The following TTC28 variants were observed in gnomAD, a reference collection of about 807,000 sequenced individuals.
TTC28 encodes the protein tetratricopeptide repeat protein 28.
Under a neutral mutation model 198.0 loss-of-function variants are expected in TTC28, and 61 were observed. The ratio of observed to expected loss-of-function variants is 0.31; its 90% CI spans 0.25 to 0.38. The LOEUF (loss-of-function observed/expected upper bound fraction) is 0.38. Among genes scored for constraint, TTC28 ranks in the 10% least tolerant of loss-of-function variants. TTC28 has a pLI of 1.00. For missense variants in TTC28, 2,678 were observed against 3,164.0 expected, an observed-to-expected ratio of 0.85 and a Z score of 3.69; for synonymous variants, 1,171 against 1,297.8, an observed-to-expected ratio of 0.90 and a Z score of 2.10.
At chr22:28,589,557 T>TG (rs1380301068) in intron 2 of TTC28, among the ~76,000 whole-genome samples, 1 of 152,208 alleles carries the variant, frequency 6.6e-6, no homozygotes, top group Admixed American at 6.5e-5. Context: ...ACATTGTGGA[T>TG]GGGAGCTCTC....
chr22:28,362,180 G>C (rs1473924926), intron 2 of TTC28, among the ~76,000 whole-genome samples: 4 of 152,128 alleles, frequency 2.6e-5, no homozygotes, highest in Admixed American at 2.0e-4. Context: ...TGTTATGCGA[G>C]GGACCCAGTG....
At chr22:28,239,678 GT>G (rs1569215839) in intron 5 of TTC28, among the ~76,000 whole-genome samples, 2 of 152,076 alleles carry the variant, frequency 1.3e-5, no homozygotes, top group East Asian at 1.9e-4. Context: ...GGTTTTTTGG[GT>G]TTTTTTCCCC....
At position 28,154,101 on chromosome 22, in the gene TTC28, A is replaced by G. The variant is rs112410558; in HGVS notation, c.1441+8991T>C. On this transcript the variant is annotated intron_variant, in intron 6 of 22. Coordinates refer to ENST00000397906, the MANE Select transcript of TTC28 (RefSeq NM_001145418.2). ...GCAGTTCATCCTAAAGTGAGATGAG[A>G]GATAATTCTGCCTGGTTTCCCAGTA... Among the ~76,000 whole-genome samples, 220 of 152,270 alleles carry G rather than the reference A, an allele frequency of 1.4e-3. 1 individual carries two copies. Among genetic ancestry groups the G allele is most frequent in the African/African-American group, 4.9e-3 (205 of 41,558 alleles).
At chr22:28,180,405 T>C (rs1014623970) in intron 5 of TTC28, among the ~76,000 whole-genome samples, 3 of 152,006 alleles carry the variant, frequency 2.0e-5, no homozygotes, top group African/African-American at 7.3e-5. Flanking sequence ...GATGGAAAAA[T>C]TTTTTCAGAT....
chr22:28,374,712 C>T (rs1339788108), intron 2 of TTC28, among the ~76,000 whole-genome samples: 2 of 152,134 alleles, frequency 1.3e-5, no homozygotes, highest in South Asian at 2.1e-4. Flanking sequence ...GATGGAGTCT[C>T]GCTCTGTCAC....
At chr22:28,247,781 T>C (rs572531741) in intron 5 of TTC28, among the ~76,000 whole-genome samples, 2 of 152,214 alleles carry the variant, frequency 1.3e-5, no homozygotes, top group South Asian at 4.2e-4. Flanking sequence ...GTATATGATA[T>C]ATGTGGAGAA....
intron 2 of TTC28, among the ~76,000 whole-genome samples, chr22:28,572,951 C>G (rs577799818): frequency 6.6e-6 from 1 of 151,972 alleles, no homozygotes; most frequent in African/African-American, 2.4e-5. Context: ...GAGTCTCAGA[C>G]CAGCCTGAGC....
At chr22:28,132,530 T>C (rs1403744406) in intron 6 of TTC28, among the ~76,000 whole-genome samples, 1 of 152,222 alleles carries the variant, frequency 6.6e-6, no homozygotes, top group Non-Finnish European at 1.5e-5. Context: ...AAGTAAGAGT[T>C]AGACTGAATA....
chr22:28,153,177 T>C (rs999114247), intron 6 of TTC28, among the ~76,000 whole-genome samples: 1 of 151,900 alleles, frequency 6.6e-6, no homozygotes, highest in African/African-American at 2.4e-5. Flanking sequence ...TCTTAAACCC[T>C]TGACTTAGAA....
At chr22:27,984,615 A>G (rs1037593615) in intron 22 of TTC28, among the ~76,000 whole-genome samples, 1 of 152,180 alleles carries the variant, frequency 6.6e-6, no homozygotes, top group Non-Finnish European at 1.5e-5. Flanking sequence ...AGCTGCCTGC[A>G]TGGATGCCTA....
chr22:28,505,700 C>T (rs115598940), intron 2 of TTC28, among the ~76,000 whole-genome samples: 2,118 of 152,322 alleles, frequency 0.014, 64 homozygotes, highest in African/African-American at 0.049. Flanking sequence ...ACTTCAGCCC[C>T]AGAATCCCCC....
At chr22:28,328,614 C>T (rs758909824) in intron 2 of TTC28, among the ~76,000 whole-genome samples, 1 of 151,312 alleles carries the variant, frequency 6.6e-6, no homozygotes, top group African/African-American at 2.4e-5. Flanking sequence ...ATTAGCCAGG[C>T]GTGGTAGCAG....
chr22:28,061,008 T>C (rs1175344152), intron 12 of TTC28, among the ~76,000 whole-genome samples: 4 of 152,228 alleles, frequency 2.6e-5, no homozygotes, highest in Admixed American at 6.5e-5. Flanking sequence ...GTTGGCTGCA[T>C]AAATGTCTTC....
chr22:28,552,767 C>A (rs1488222535), intron 2 of TTC28, among the ~76,000 whole-genome samples: 1 of 140,866 alleles, frequency 7.1e-6, no homozygotes. Context: ...CTCTCCGCCT[C>A]CCCCTCCCCC....
intron 2 of TTC28, among the ~76,000 whole-genome samples, chr22:28,560,751 CT>C (rs1270309421): frequency 6.6e-6 from 1 of 151,782 alleles, no homozygotes; most frequent in African/African-American, 2.4e-5. Flanking sequence ...CCTTCATTTT[CT>C]TTTTTTTGTT....
At chr22:28,579,119 C>T (rs1024025476) in intron 2 of TTC28, among the ~76,000 whole-genome samples, 2 of 150,850 alleles carry the variant, frequency 1.3e-5, no homozygotes, top group African/African-American at 4.9e-5. Flanking sequence ...TATAGCTATA[C>T]ATACATACAT....
intron 2 of TTC28, among the ~76,000 whole-genome samples, chr22:28,540,314 A>AAG (rs973822868): frequency 5.3e-5 from 8 of 152,032 alleles, no homozygotes; most frequent in African/African-American, 1.4e-4. Context: ...AAGCAGAAGC[A>AAG]AGAGAGAGAG....
intron 12 of TTC28, among the ~76,000 whole-genome samples, chr22:28,075,585 C>G (rs1250035521): frequency 6.6e-6 from 1 of 152,202 alleles, no homozygotes; most frequent in East Asian, 1.9e-4. Flanking sequence ...CATCAGGAAG[C>G]AGAAGCTGGG....
chr22:28,347,796 C>A (rs1416401562), intron 2 of TTC28, among the ~76,000 whole-genome samples: 1 of 152,186 alleles, frequency 6.6e-6, no homozygotes, highest in East Asian at 1.9e-4. Context: ...TTGCTGGAAC[C>A]CAGGAGGCGG....
Sources: allele counts gnomAD v4.1 joint callset (sites outside exome capture counted in the v4.1 genomes callset), GRCh38; gene constraint gnomAD v4.1.1; transcripts MANE v1.5; gene names NCBI Gene and HGNC (gene_info 2026-07-23, HGNC 2026-07-21).